Variants in SP4 observed in about 807,000 individuals in gnomAD.
The protein encoded by SP4 is transcription factor Sp4.
SP4 carries 19 observed loss-of-function variants against 72.8 expected under a neutral mutation model. The ratio of observed to expected loss-of-function variants is 0.26; its 90% CI spans 0.18 to 0.38. SP4 has a LOEUF of 0.38. Among genes scored for constraint, SP4 ranks in the 10% least tolerant of loss-of-function variants. SP4 has a pLI of 1.00. For missense variants in SP4, 1,008 were observed against 926.3 expected, an observed-to-expected ratio of 1.09 and a Z score of -1.14; for synonymous variants, 395 against 333.1, an observed-to-expected ratio of 1.19 and a Z score of -2.02.
chr7:21,508,617 G>C (rs762072337), intron 5 of SP4, among the ~76,000 whole-genome samples: 8 of 151,998 alleles, frequency 5.3e-5, no homozygotes, highest in Non-Finnish European at 1.2e-4. Flanking sequence ...GTGAGCCACC[G>C]CGCCCAGCCT....
intron 5 of SP4, among the ~76,000 whole-genome samples, chr7:21,500,998 C>T (rs1035168480): frequency 6.6e-6 from 1 of 152,122 alleles, no homozygotes; most frequent in East Asian, 1.9e-4. Flanking sequence ...TAGGCAGGCA[C>T]ACCCAGGGCA....
chr7:21,429,667 A>C lies in SP4; in HGVS notation c.502A>C (p.Ile168Leu). The C allele has an allele frequency of 9.9e-6, 16 of 1,614,046 alleles. No homozygotes were observed. The highest frequency in any genetic ancestry group is 1.3e-5 in the Non-Finnish European group (15 of 1,179,910). ...NPSGSVQYQV[I>L]PQLQTVEGQQ... ...AAGTGGTAGTGTACAGTACCAAGTA[A>C]TTCCACAACTTCAGACAGTGGAAGG... The change falls in exon 3 of 6, where the codon ATT (isoleucine) becomes CTT (leucine). Residue 168 changes from isoleucine to leucine, a missense_variant. Around this residue, in one of 3 missense-constraint regions of SP4, gnomAD observed 893 missense variants for 743.3 expected, o/e 1.20. Transcript: ENST00000222584.
At chr7:21,500,391 T>G (rs1229946500) in intron 5 of SP4, among the ~76,000 whole-genome samples, 1 of 152,216 alleles carries the variant, frequency 6.6e-6, no homozygotes, top group Non-Finnish European at 1.5e-5. Context: ...TTTAGCCGCT[T>G]AAAATAACAC....
chr7:21,488,322 A>G (rs770102374), intron 5 of SP4, among the ~76,000 whole-genome samples: 15 of 152,142 alleles, frequency 9.9e-5, no homozygotes, highest in Non-Finnish European at 1.8e-4. Context: ...TAGTAGTTAT[A>G]GTCTATGTAT....
intron 3 of SP4, among the ~76,000 whole-genome samples, chr7:21,475,207 C>T (rs773517381): frequency 4.0e-5 from 6 of 151,826 alleles, no homozygotes; most frequent in Non-Finnish European, 8.8e-5. Flanking sequence ...CTCTGCCTCC[C>T]GGGTTCAAGC....
intron 5 of SP4, among the ~76,000 whole-genome samples, chr7:21,495,194 C>A (rs561630933): frequency 6.6e-6 from 1 of 152,214 alleles, no homozygotes; most frequent in African/African-American, 2.4e-5. Context: ...TTTAACACAA[C>A]TCCGAAAGTG....
intron 3 of SP4, among the ~76,000 whole-genome samples, chr7:21,461,739 G>A (rs1005584544): frequency 6.6e-6 from 1 of 152,236 alleles, no homozygotes; most frequent in Non-Finnish European, 1.5e-5. Context: ...GCCAGAATGG[G>A]CGCCGAGGCC....
At chr7:21,492,616 T>G (rs1785009326) in intron 5 of SP4, among the ~76,000 whole-genome samples, 1 of 152,084 alleles carries the variant, frequency 6.6e-6, no homozygotes, top group Non-Finnish European at 1.5e-5. Context: ...AATAGAAGCA[T>G]GAAAAACAGA....
At chr7:21,457,587 C>T (rs1022876048) in intron 3 of SP4, among the ~76,000 whole-genome samples, 1 of 152,120 alleles carries the variant, frequency 6.6e-6, no homozygotes, top group Non-Finnish European at 1.5e-5. Flanking sequence ...TCAGAATCAT[C>T]TAGAGTAAGC....
chr7:21,511,743 A>G lies in SP4; in HGVS notation c.*474A>G, dbSNP rs1274467237. ...GATAATACTGTATTTCCTTAGCTTGATTTTTGGAAAATCAACCGAAAATAG... is the reference window on the plus strand; with the variant it reads ...GATAATACTGTATTTCCTTAGCTTGGTTTTTGGAAAATCAACCGAAAATAG... On this transcript the variant is annotated 3_prime_UTR_variant, in exon 6 of 6. Transcript: ENST00000222584. The G allele has an allele frequency of 6.5e-6, 1 of 154,430 alleles. No individual in the cohort carries two copies. Among genetic ancestry groups the G allele is most frequent in the Non-Finnish European group, 1.4e-5 (1 of 69,228 alleles). 9.6% of individuals were successfully genotyped at this position (154,430 alleles called of 1,614,324 possible). A position where few individuals can be genotyped will look rare whatever the true frequency, so the allele number is the denominator to read the frequency against.
At chr7:21,496,513 C>G (rs1453987426) in intron 5 of SP4, among the ~76,000 whole-genome samples, 1 of 152,138 alleles carries the variant, frequency 6.6e-6, no homozygotes, top group Non-Finnish European at 1.5e-5. Flanking sequence ...GCTCAAGAGG[C>G]TAATTGTCTT....
chr7:21,452,732 C>A (rs1301732070), intron 3 of SP4, among the ~76,000 whole-genome samples: 3 of 151,764 alleles, frequency 2.0e-5, no homozygotes, highest in African/African-American at 4.8e-5. Flanking sequence ...CTGCAGAAAT[C>A]TGAGAGAAGT....
At chr7:21,428,312 C>G in intron 1 of SP4, 54 bp downstream of exon 1, 3 of 932,454 alleles carry the variant, frequency 3.2e-6, no homozygotes, top group South Asian at 2.8e-5. Flanking sequence ...CTCTCCCTCC[C>G]TCCCCAGACC....
At chr7:21,510,355 T>C (rs527255284) in intron 5 of SP4, among the ~76,000 whole-genome samples, 1 of 151,980 alleles carries the variant, frequency 6.6e-6, no homozygotes, top group South Asian at 2.1e-4. Context: ...AAGGCCTTTT[T>C]GTTTTTAGTT....
intron 5 of SP4, among the ~76,000 whole-genome samples, chr7:21,491,283 C>G (rs1405627251): frequency 6.6e-6 from 1 of 152,056 alleles, no homozygotes; most frequent in Non-Finnish European, 1.5e-5. Flanking sequence ...GTAAGTTTAT[C>G]AGATGCTCAG....
chr7:21,473,495 G>T (rs549325568), intron 3 of SP4, among the ~76,000 whole-genome samples: 9 of 152,180 alleles, frequency 5.9e-5, no homozygotes, highest in Non-Finnish European at 1.2e-4. Flanking sequence ...AACATAATAG[G>T]CAAGATCCCT....
At chr7:21,463,730 C>T (rs957068038) in intron 3 of SP4, among the ~76,000 whole-genome samples, 1 of 152,172 alleles carries the variant, frequency 6.6e-6, no homozygotes, top group Admixed American at 6.5e-5. Flanking sequence ...TGGGTTGTGT[C>T]TGTAGGAGAC....
intron 3 of SP4, among the ~76,000 whole-genome samples, chr7:21,452,687 A>G (rs923563854): frequency 6.6e-6 from 1 of 152,360 alleles, no homozygotes; most frequent in African/African-American, 2.4e-5. Context: ...CTATATTGCC[A>G]TTAGTTAAGA....
Position 21,512,534 on chromosome 7 carries a change from T to C in SP4, c.*1265T>C, listed in dbSNP as rs530970803. ...ACTAAAGAAAAAAACTATATTATTGTTTATGCAAGGGTCTTACAGGAAAGG... is the reference window on the plus strand; with the variant it reads ...ACTAAAGAAAAAAACTATATTATTGCTTATGCAAGGGTCTTACAGGAAAGG... On this transcript the variant is annotated 3_prime_UTR_variant, in exon 6 of 6. Coordinates refer to ENST00000222584, the MANE Select transcript of SP4 (RefSeq NM_003112.5). 1 of 151,872 alleles carries C rather than the reference T, an allele frequency of 6.6e-6. No homozygotes were observed. Among genetic ancestry groups the C allele is most frequent in the Admixed American group, 6.6e-5 (1 of 15,222 alleles). 9.4% of individuals were successfully genotyped at this position (151,872 alleles called of 1,614,324 possible). A position where few individuals can be genotyped will look rare whatever the true frequency, so the allele number is the denominator to read the frequency against.
Sources: allele counts gnomAD v4.1 joint callset (sites outside exome capture counted in the v4.1 genomes callset), GRCh38; gene constraint gnomAD v4.1.1; regional missense constraint gnomAD v4.1.1; transcripts MANE v1.5; gene names NCBI Gene and HGNC (gene_info 2026-07-23, HGNC 2026-07-21).